TRPM3: variants seen among roughly 807,000 people sequenced by gnomAD.
TRPM3 encodes long transient receptor potential channel 3.
TRPM3 carries 77 observed loss-of-function variants against 181.2 expected under a neutral mutation model. That is an observed-to-expected ratio of 0.42 (90% CI 0.35 to 0.51). The LOEUF (loss-of-function observed/expected upper bound fraction) is 0.51. Among genes scored for constraint, TRPM3 ranks in the 20% least tolerant of loss-of-function variants. The pLI is 0.01. For missense variants in TRPM3, 1,759 were observed against 2,196.7 expected (o/e 0.80, Z 3.98); for synonymous variants, 745 against 796.4 (o/e 0.94, Z 1.09).
At chr9:71,084,202 T>C (rs2064890555) in intron 1 of TRPM3, among the ~76,000 whole-genome samples, 1 of 151,996 alleles carries the variant, frequency 6.6e-6, no homozygotes, top group South Asian at 2.1e-4. Context: ...TGATGGTAGT[T>C]GAATAGATAT....
intron 1 of TRPM3, among the ~76,000 whole-genome samples, chr9:70,974,533 C>T (rs948126061): frequency 5.1e-5 from 7 of 137,990 alleles, no homozygotes; most frequent in Admixed American, 3.1e-4. Context: ...AGCGAGACTC[C>T]GTCTCAAAAC....
chr9:70,804,709 CCTTCT>C (rs1362083263), intron 6 of TRPM3, among the ~76,000 whole-genome samples: 3 of 144,920 alleles, frequency 2.1e-5, no homozygotes, highest in African/African-American at 8.2e-5. Flanking sequence ...CCTTCCCTTC[CCTTCT>C]CTTCTCCCCT....
Position 70,590,577 on chromosome 9 carries a change from C to T in TRPM3, c.3223+454G>A, listed in dbSNP as rs540981616. Among the ~76,000 whole-genome samples the T allele has an allele frequency of 2.0e-5, 3 of 152,258 alleles. No homozygotes were observed. In the South Asian group the frequency reaches 6.2e-4, roughly 32 times the overall value. On this transcript the variant is annotated intron_variant, in intron 22 of 25. Coordinates refer to ENST00000677713, the MANE Select transcript of TRPM3 (RefSeq NM_001366145.2). ...AAGAAAAATACCATGCAGATGTTTG[C>T]CCTTACTCTTGAATTCTGATGGTGA...
intron 1 of TRPM3, among the ~76,000 whole-genome samples, chr9:71,425,105 GTTTTTC>G (rs888404985): frequency 2.6e-5 from 4 of 151,804 alleles, no homozygotes; most frequent in African/African-American, 7.3e-5. Context: ...TATGTCTCTG[GTTTTTC>G]TTTTTCTATT....
intron 1 of TRPM3, among the ~76,000 whole-genome samples, chr9:71,077,346 A>G (rs1168750906): frequency 6.6e-6 from 1 of 152,180 alleles, no homozygotes; most frequent in African/African-American, 2.4e-5. Flanking sequence ...GGGGTTAGGG[A>G]CAAACGTTAT....
chr9:71,335,310 G>T (rs2090475899), intron 1 of TRPM3, among the ~76,000 whole-genome samples: 3 of 152,004 alleles, frequency 2.0e-5, no homozygotes, highest in Non-Finnish European at 1.5e-5. Context: ...GGCAAATAAA[G>T]TTCTTTCAGA....
chr9:70,765,585 C>G (rs1359794698), intron 7 of TRPM3, among the ~76,000 whole-genome samples: 3 of 151,828 alleles, frequency 2.0e-5, no homozygotes, highest in Admixed American at 6.6e-5. Context: ...AAGCACGACT[C>G]CATCTCAAAA....
chr9:70,637,182 G>A (rs375399759), intron 11 of TRPM3, among the ~76,000 whole-genome samples: 13 of 152,254 alleles, frequency 8.5e-5, no homozygotes, highest in African/African-American at 2.6e-4. Context: ...GGCTCTGAAC[G>A]TGGGCAAGCA....
intron 1 of TRPM3, among the ~76,000 whole-genome samples, chr9:71,064,235 T>G (rs1260429905): frequency 6.6e-6 from 1 of 152,106 alleles, no homozygotes; most frequent in Non-Finnish European, 1.5e-5. Flanking sequence ...TTTTTCAGAT[T>G]TTTATGTTGG....
At chr9:71,063,494 T>C (rs912469444) in intron 1 of TRPM3, among the ~76,000 whole-genome samples, 3 of 152,072 alleles carry the variant, frequency 2.0e-5, no homozygotes, top group East Asian at 1.9e-4. Context: ...TGTAAATTAA[T>C]GTTATAAGGT....
chr9:71,060,940 G>A (rs1279349397), intron 1 of TRPM3, among the ~76,000 whole-genome samples: 2 of 152,054 alleles, frequency 1.3e-5, no homozygotes, highest in African/African-American at 4.8e-5. Context: ...AATTGCAATT[G>A]TCATCAATGC....
chr9:71,183,368 G>T (rs1024247771), intron 1 of TRPM3, among the ~76,000 whole-genome samples: 5 of 152,014 alleles, frequency 3.3e-5, no homozygotes, highest in Non-Finnish European at 5.9e-5. Flanking sequence ...CTTTTTCGTG[G>T]AAGTTCTCCT....
At chr9:70,781,339 A>G (rs2082406936) in intron 7 of TRPM3, among the ~76,000 whole-genome samples, 1 of 150,986 alleles carries the variant, frequency 6.6e-6, no homozygotes, top group Non-Finnish European at 1.5e-5. Flanking sequence ...AAAAAAAAAA[A>G]AAAAAAAAAA....
At chr9:70,915,795 G>A (rs2096588389) in intron 1 of TRPM3, among the ~76,000 whole-genome samples, 2 of 151,908 alleles carry the variant, frequency 1.3e-5, no homozygotes, top group African/African-American at 2.4e-5. Context: ...AGGAAGTAGA[G>A]AAAGAGATGG....
chr9:71,412,371 G>A (rs1423367779), intron 1 of TRPM3, among the ~76,000 whole-genome samples: 3 of 152,054 alleles, frequency 2.0e-5, no homozygotes, highest in Non-Finnish European at 1.5e-5. Flanking sequence ...CTAATATCCA[G>A]AATCTACAAA....
chr9:71,051,735 A>G (rs1184167491), intron 1 of TRPM3, among the ~76,000 whole-genome samples: 3 of 152,246 alleles, frequency 2.0e-5, no homozygotes, highest in African/African-American at 4.8e-5. Context: ...TTTCAGTTTC[A>G]TCATCTAGGG....
chr9:71,168,542 TTATTTATTTATTTATTTA>T (rs2076655035), intron 1 of TRPM3, among the ~76,000 whole-genome samples: 1 of 20,926 alleles, frequency 4.8e-5, no homozygotes, highest in Non-Finnish European at 1.0e-4. Flanking sequence ...TGTGATTTAT[TTATTTATTTATTTATTTA>T]TTTATTTATT....
At chr9:71,196,724 T>C (rs1412785732) in intron 1 of TRPM3, among the ~76,000 whole-genome samples, 4 of 152,146 alleles carry the variant, frequency 2.6e-5, no homozygotes, top group East Asian at 1.9e-4. Context: ...TTAAATGTTA[T>C]TTAGCAGTAT....
intron 1 of TRPM3, among the ~76,000 whole-genome samples, chr9:71,185,795 G>A (rs181764155): frequency 1.2e-4 from 19 of 152,158 alleles, no homozygotes; most frequent in Admixed American, 1.2e-3. Context: ...ACTCTGATGA[G>A]CCGGAGCACC....
Sources: allele counts gnomAD v4.1 joint callset (sites outside exome capture counted in the v4.1 genomes callset), GRCh38; gene constraint gnomAD v4.1.1; transcripts MANE v1.5; gene names NCBI Gene and HGNC (gene_info 2026-07-23, HGNC 2026-07-21).